Variants in VWC2L observed in about 807,000 individuals in gnomAD.
VWC2L encodes von Willebrand factor C domain-containing protein 2-like.
A neutral mutation model predicts 21.6 loss-of-function variants in VWC2L; 10 were observed. The ratio of observed to expected loss-of-function variants is 0.46; its 90% confidence interval spans 0.29 to 0.78. The LOEUF is 0.78. VWC2L is among the 30% of genes least tolerant of loss of function. The probability of loss-of-function intolerance (pLI) is 0.10; values close to 1 mark genes in which losing one functional copy is unlikely to be tolerated. For synonymous variants in VWC2L, 96 were observed against 94.3 expected (o/e 1.02, Z -0.10); for missense variants, 209 against 277.1 (o/e 0.75, Z 1.74).
chr2:214,498,856 T>C (rs1688849889), intron 3 of VWC2L, among the ~76,000 whole-genome samples: 1 of 151,284 alleles, frequency 6.6e-6, no homozygotes, highest in Non-Finnish European at 1.5e-5. Context: ...AGATATATTT[T>C]TCATCATTGT....
At chr2:214,555,491 A>C (rs1689860010) in intron 3 of VWC2L, among the ~76,000 whole-genome samples, 1 of 152,152 alleles carries the variant, frequency 6.6e-6, no homozygotes, top group African/African-American at 2.4e-5. Context: ...TTATCACTTT[A>C]TTTCCAGTAT....
chr2:214,474,580 C>G, intron 3 of VWC2L, among the ~76,000 whole-genome samples: 1 of 152,198 alleles, frequency 6.6e-6, no homozygotes, highest in Non-Finnish European at 1.5e-5. Context: ...GTTCCCTGAT[C>G]TCTCTTTTTC....
At chr2:214,547,945 TGAA>T (rs1308424489) in intron 3 of VWC2L, among the ~76,000 whole-genome samples, 2 of 152,222 alleles carry the variant, frequency 1.3e-5, no homozygotes, top group Non-Finnish European at 2.9e-5. Flanking sequence ...CACAAATACA[TGAA>T]GGTTTGCCTC....
intron 3 of VWC2L, among the ~76,000 whole-genome samples, chr2:214,567,262 T>C (rs1333032226): frequency 1.3e-5 from 2 of 152,158 alleles, no homozygotes; most frequent in Admixed American, 1.3e-4. Context: ...TTTCCTAGTC[T>C]CTGGGAAGTA....
intron 3 of VWC2L, among the ~76,000 whole-genome samples, chr2:214,487,138 G>T (rs188489584): frequency 6.6e-6 from 1 of 152,122 alleles, no homozygotes; most frequent in East Asian, 1.9e-4. Context: ...GACCTCAAAA[G>T]AATCCAGATT....
chr2:214,539,289 T>C (rs545674749), intron 3 of VWC2L, among the ~76,000 whole-genome samples: 1 of 152,274 alleles, frequency 6.6e-6, no homozygotes, highest in East Asian at 1.9e-4. Flanking sequence ...AAATGTTCGA[T>C]TCAATCACAG....
chr2:214,426,824 G>A (rs1702530499), intron 2 of VWC2L, among the ~76,000 whole-genome samples: 1 of 152,176 alleles, frequency 6.6e-6, no homozygotes, highest in African/African-American at 2.4e-5. Context: ...TGTTGAATGT[G>A]TTCAATTATA....
intron 3 of VWC2L, among the ~76,000 whole-genome samples, chr2:214,560,338 T>C (rs1689946526): frequency 6.6e-6 from 1 of 152,140 alleles, no homozygotes; most frequent in Admixed American, 6.6e-5. Context: ...AGAATAAAAA[T>C]AGGAAGTTTT....
intron 3 of VWC2L, among the ~76,000 whole-genome samples, chr2:214,505,573 C>A (rs964498889): frequency 6.6e-6 from 1 of 151,982 alleles, no homozygotes; most frequent in Non-Finnish European, 1.5e-5. Flanking sequence ...GACATCTACA[C>A]AAAGCACAGT....
At chr2:214,469,639 G>C (rs1369168526) in intron 3 of VWC2L, among the ~76,000 whole-genome samples, 2 of 151,924 alleles carry the variant, frequency 1.3e-5, no homozygotes, top group Non-Finnish European at 2.9e-5. Context: ...AAGATTAAAA[G>C]AAACTCTGTA....
chr2:214,537,347 GAAT>G (rs1218958057), intron 3 of VWC2L, among the ~76,000 whole-genome samples: 1 of 151,692 alleles, frequency 6.6e-6, no homozygotes, highest in Non-Finnish European at 1.5e-5. Context: ...TGGCTTTTGT[GAAT>G]AATTATGTCA....
At chr2:214,414,694 A>G in intron 2 of VWC2L, 111 bp downstream of exon 2, 2 of 1,208,612 alleles carry the variant, frequency 1.7e-6, no homozygotes, top group Non-Finnish European at 2.3e-6. Context: ...ATTTCCCTTT[A>G]AATTATACAA....
intron 2 of VWC2L, among the ~76,000 whole-genome samples, chr2:214,416,911 A>C (rs1702365600): frequency 6.6e-6 from 1 of 151,818 alleles, no homozygotes; most frequent in South Asian, 2.1e-4. Context: ...CTTAACTCTA[A>C]TATCCAGGGA....
At chr2:214,473,110 A>C (rs1180313233) in intron 3 of VWC2L, among the ~76,000 whole-genome samples, 1 of 152,240 alleles carries the variant, frequency 6.6e-6, no homozygotes, top group African/African-American at 2.4e-5. Flanking sequence ...AGCAAATATT[A>C]AATGAAAAGT....
intron 3 of VWC2L, among the ~76,000 whole-genome samples, chr2:214,571,114 C>A (rs1441928726): frequency 6.6e-6 from 1 of 152,160 alleles, no homozygotes; most frequent in East Asian, 1.9e-4. Context: ...TTGTTTCTAG[C>A]CACATCAAAT....
chr2:214,562,336 T>C (rs112517516), intron 3 of VWC2L, among the ~76,000 whole-genome samples: 1,650 of 152,346 alleles, frequency 0.011, 26 homozygotes, highest in African/African-American at 0.038. Flanking sequence ...TTCCATTTAA[T>C]GGCTGCATAG....
chr2:214,538,422 A>G (rs1410884149), intron 3 of VWC2L, among the ~76,000 whole-genome samples: 1 of 152,064 alleles, frequency 6.6e-6, no homozygotes, highest in African/African-American at 2.4e-5. Context: ...CTCTGATTCA[A>G]TCCATTCAAC....
At chr2:214,565,909 T>C (rs1285529339) in intron 3 of VWC2L, among the ~76,000 whole-genome samples, 1 of 152,130 alleles carries the variant, frequency 6.6e-6, no homozygotes. Flanking sequence ...CAGTAAATGG[T>C]AGGAGTAGAA....
intron 3 of VWC2L, among the ~76,000 whole-genome samples, chr2:214,544,024 T>G (rs1689667199): frequency 6.6e-6 from 1 of 152,166 alleles, no homozygotes; most frequent in Non-Finnish European, 1.5e-5. Flanking sequence ...TGCAACCCTA[T>G]GGGGACAAAA....
Sources: allele counts gnomAD v4.1 joint callset (sites outside exome capture counted in the v4.1 genomes callset), GRCh38; gene constraint gnomAD v4.1.1; transcripts MANE v1.5; gene names NCBI Gene and HGNC (gene_info 2026-07-23, HGNC 2026-07-21).